Variants in NDUFB6 observed in about 807,000 individuals in gnomAD.
NDUFB6 encodes the protein NADH:ubiquinone oxidoreductase subunit B6.
Under a neutral mutation model 17.5 loss-of-function variants are expected in NDUFB6, and 23 were observed. The observed-to-expected ratio is 1.31, with a 90% CI of 0.94 to 1.86. NDUFB6 has a LOEUF of 1.86. Among genes scored for constraint, NDUFB6 ranks in the 40% most tolerant of loss-of-function variants. The pLI is 0.00. For missense variants in NDUFB6, 167 were observed against 153.8 expected (o/e 1.09, Z -0.46); for synonymous variants, 60 against 53.5 (o/e 1.12, Z -0.53).
At chr9:32,567,028 G>C (rs1689769428) in intron 2 of NDUFB6, 1 of 500,752 alleles carries the variant, frequency 2.0e-6, no homozygotes, top group Non-Finnish European at 4.0e-6. Flanking sequence ...AGCAGAGGTA[G>C]CCCTTGCGCA....
chr9:32,566,061 T>C lies in NDUFB6; in HGVS notation c.273+4899A>G, dbSNP rs1363935573. The C allele has an allele frequency of 5.3e-5, 22 of 415,068 alleles. No individual in the cohort carries two copies. In the East Asian group the frequency reaches 8.3e-4, roughly 16 times the overall value. The allele number at this position is 415,068 out of a possible 1,614,324, so 25.7% of individuals were successfully genotyped here. A position where few individuals can be genotyped will look rare whatever the true frequency, so the allele number is the denominator to read the frequency against. On this transcript the variant is annotated intron_variant, in intron 2 of 3. Transcript: ENST00000379847. Reference sequence around the variant, plus strand: ...TTTTAAGGTTTTTTCCAGGAGCTACTGGAGTGACCAAAAAAAAAAAAAGGC... The same window carrying C: ...TTTTAAGGTTTTTTCCAGGAGCTACCGGAGTGACCAAAAAAAAAAAAAGGC...
rs199895242 is a variant in NDUFB6 at position 32,572,985 on chromosome 9, G to C, written c.76C>G (p.Gln26Glu). ...RELRRRWLKD[Q>E]ELSPREPVLP... Reference sequence around the variant, plus strand: ...ACCGGCTCCCGAGGGCTCAGCTCCTGGTCCTTCAGCCATCGCCTTCTCAGC... The same window carrying C: ...ACCGGCTCCCGAGGGCTCAGCTCCTCGTCCTTCAGCCATCGCCTTCTCAGC... The change falls in exon 1 of 4, where the codon CAG becomes GAG. Residue 26 changes from glutamine (Q) to glutamate (E), a missense_variant. By Grantham distance (29) the Gln-to-Glu change is conservative. Transcript: ENST00000379847. 888 of 1,611,704 alleles carry C rather than the reference G, an allele frequency of 5.5e-4. No homozygotes were observed. Among genetic ancestry groups the C allele is most frequent in the Admixed American group, 1.2e-3 (69 of 59,858 alleles).
At position 32,553,812 on chromosome 9, in the gene NDUFB6, C is replaced by T. The variant is rs1821374148; in HGVS notation, c.*64G>A. On this transcript the variant is annotated 3_prime_UTR_variant, in exon 4 of 4. Coordinates refer to ENST00000379847, the MANE Select transcript of NDUFB6 (RefSeq NM_002493.5). ...ATTAAAGTTACTTTTCCAGAAAATT[C>T]AGTAAATATGGTAATATAGGAACAA... 1 of 1,060,112 alleles carries T rather than the reference C, an allele frequency of 9.4e-7. No homozygotes were observed. The highest frequency in any genetic ancestry group is 1.4e-5 in the South Asian group (1 of 72,810). 65.7% of individuals were successfully genotyped at this position (1,060,112 alleles called of 1,614,324 possible). A position where few individuals can be genotyped will look rare whatever the true frequency, so the allele number is the denominator to read the frequency against.
intron 3 of NDUFB6, among the ~76,000 whole-genome samples, chr9:32,558,307 T>C (rs1028660390): frequency 1.3e-5 from 2 of 152,072 alleles, no homozygotes; most frequent in Non-Finnish European, 2.9e-5. Context: ...GAGACGGGGT[T>C]TCACCGTGTT....
chr9:32,570,997 A>G lies in NDUFB6; in HGVS notation c.236T>C (p.Val79Ala). 1 of 1,605,352 alleles carries G rather than the reference A, an allele frequency of 6.2e-7. No homozygotes were observed. Among genetic ancestry groups the G allele is most frequent in the South Asian group, 1.1e-5 (1 of 89,944 alleles). ...IFVFTHVLVP[V>A]WIIHYYMKYH... ...CTTCATGTAATAATGAATAATCCAG[A>G]CAGGTACAAGTACATGAGTGAAAAC... The change falls in exon 2 of 4, where the codon GTC (valine) becomes GCC (alanine). Residue 79 changes from valine to alanine, a missense_variant. Val to Ala is a moderately conservative substitution (Grantham distance 64). Coordinates refer to ENST00000379847, the MANE Select transcript of NDUFB6 (RefSeq NM_002493.5).
intron 1 of NDUFB6, among the ~76,000 whole-genome samples, chr9:32,572,103 T>G (rs146961080): frequency 1.3e-5 from 2 of 152,316 alleles, no homozygotes; most frequent in Non-Finnish European, 2.9e-5. Context: ...AAGTAACACA[T>G]GTAAAACCCC....
At chr9:32,561,272 A>C (rs1256299708) in intron 2 of NDUFB6, among the ~76,000 whole-genome samples, 1 of 152,078 alleles carries the variant, frequency 6.6e-6, no homozygotes, top group Non-Finnish European at 1.5e-5. Flanking sequence ...GGCCATGTCC[A>C]CTTGGACATC....
chr9:32,562,510 T>C (rs1821654661), intron 2 of NDUFB6, among the ~76,000 whole-genome samples: 1 of 152,240 alleles, frequency 6.6e-6, no homozygotes, highest in Non-Finnish European at 1.5e-5. Context: ...CAACATTCAC[T>C]GGATTATCTA....
At chr9:32,571,482 G>C in intron 1 of NDUFB6, among the ~76,000 whole-genome samples, 1 of 152,146 alleles carries the variant, frequency 6.6e-6, no homozygotes, top group Admixed American at 6.5e-5. Context: ...ATCATTTTAG[G>C]TATAAGGCAG....
intron 3 of NDUFB6, 44 bp from the exon 4 acceptor site, chr9:32,553,988 C>T (rs1821381817): frequency 4.0e-6 from 5 of 1,258,936 alleles, no homozygotes; most frequent in Admixed American, 1.9e-5. Context: ...CTTAAGTCTA[C>T]AGAGGTGATA....
chr9:32,566,533 C>A (rs1224575098), intron 2 of NDUFB6: 3 of 771,542 alleles, frequency 3.9e-6, no homozygotes, highest in African/African-American at 3.4e-5. Context: ...ACCCTTGGCT[C>A]CTCTGTTGTA....
intron 3 of NDUFB6, among the ~76,000 whole-genome samples, chr9:32,557,183 G>A (rs1246469152): frequency 6.4e-5 from 7 of 109,646 alleles, no homozygotes; most frequent in African/African-American, 1.8e-4. Context: ...TTTTTTTCCC[G>A]AGACAGAGTC....
chr9:32,558,800 A>T lies in NDUFB6; in HGVS notation c.318+110T>A, dbSNP rs112557276. ...AAGAATACACAAAACAGGGACTTAA[A>T]CCGAAAGTGAGAAGGAAAGAACATT... On this transcript the variant is annotated intron_variant, in intron 3 of 3. Coordinates refer to ENST00000379847, the MANE Select transcript of NDUFB6 (RefSeq NM_002493.5). 5.0e-3 allele frequency: 3,717 copies of T among 742,726 alleles called. 82 individuals are homozygous for T. In the African/African-American group the frequency reaches 0.055, roughly 11 times the overall value. The allele number at this position is 742,726 out of a possible 1,614,324, so 46.0% of individuals were successfully genotyped here.
chr9:32,553,843 G>C lies in NDUFB6; in HGVS notation c.*33C>G, dbSNP rs770900307. On this transcript the variant is annotated 3_prime_UTR_variant, in exon 4 of 4. Transcript: ENST00000379847. The stretch of plus-strand genomic sequence containing the variant: ...ATATGGTAATATAGGAACAAACTTA[G>C]GCTCATAAGCCTTTTAACTTTTTAC... The C allele has an allele frequency of 2.2e-6, 3 of 1,384,328 alleles. No individual in the cohort carries two copies. Among genetic ancestry groups the C allele is most frequent in the Non-Finnish European group, 3.1e-6 (3 of 979,356 alleles). 85.8% of individuals were successfully genotyped at this position (1,384,328 alleles called of 1,614,324 possible).
At chr9:32,572,449 G>A (rs1264966924) in intron 1 of NDUFB6, among the ~76,000 whole-genome samples, 1 of 152,148 alleles carries the variant, frequency 6.6e-6, no homozygotes, top group Non-Finnish European at 1.5e-5. Context: ...ATCAGCTAGG[G>A]GCTGGCTGTG....
At position 32,553,958 on chromosome 9, in the gene NDUFB6, G is replaced by C. The variant is rs75102800; in HGVS notation, c.319-14C>G. ...AATTGTATCACCCTAGGAAAACAAA[G>C]ATACAGTTAGTACAAAAATCTTAAG... On this transcript the variant is annotated splice_polypyrimidine_tract_variant and intron_variant, in intron 3 of 3. Coordinates refer to ENST00000379847, the MANE Select transcript of NDUFB6 (RefSeq NM_002493.5). The C allele has an allele frequency of 6.5e-7, 1 of 1,529,334 alleles. No homozygotes were observed. The highest frequency in any genetic ancestry group is 9.0e-7 in the Non-Finnish European group (1 of 1,108,898). The allele number at this position is 1,529,334 out of a possible 1,614,324, so 94.7% of individuals were successfully genotyped here.
At chr9:32,567,830 C>CTGT in intron 2 of NDUFB6, 2 of 227,354 alleles carry the variant, frequency 8.8e-6, no homozygotes, top group Non-Finnish European at 1.9e-5. Context: ...TGTCCTATTC[C>CTGT]CTGAGACACA....
At chr9:32,558,724 T>C (rs1396898621) in intron 3 of NDUFB6, among the ~76,000 whole-genome samples, 186 bp downstream of exon 3, 1 of 152,100 alleles carries the variant, frequency 6.6e-6, no homozygotes, top group Non-Finnish European at 1.5e-5. Flanking sequence ...ACTGTAATTG[T>C]TACCTCACGG....
At chr9:32,565,592 C>A (rs1342352943) in intron 2 of NDUFB6, 3 of 152,404 alleles carry the variant, frequency 2.0e-5, no homozygotes, top group African/African-American at 4.8e-5. Flanking sequence ...CAGCTCAGGA[C>A]AATTCTTATC....
Sources: gnomAD v4.1 joint callset for allele counts (sites outside exome capture counted in the v4.1 genomes callset) on GRCh38, gnomAD v4.1.1 for gene constraint, MANE v1.5 for transcripts, NCBI Gene and HGNC (gene_info 2026-07-23, HGNC 2026-07-21) for gene names.